CD86: variants seen among roughly 807,000 people sequenced by gnomAD.
The protein encoded by CD86 is T-lymphocyte activation antigen CD86.
Under a neutral mutation model 32.1 loss-of-function variants are expected in CD86, and 11 were observed. The ratio of observed to expected loss-of-function variants is 0.34; its 90% CI spans 0.22 to 0.57. CD86 has a LOEUF of 0.57. Among genes scored for constraint, CD86 ranks in the 20% least tolerant of loss-of-function variants. The probability of loss-of-function intolerance (pLI) is 0.86; values close to 1 mark genes in which losing one functional copy is unlikely to be tolerated. For missense variants in CD86, 359 were observed against 398.4 expected (o/e 0.90, Z 0.84); for synonymous variants, 137 against 135.3 (o/e 1.01, Z -0.09).
At chr3:122,086,913 A>G (rs554976962) in intron 1 of CD86, among the ~76,000 whole-genome samples, 28 of 2,896 alleles carry the variant, frequency 9.7e-3, no homozygotes, top group Non-Finnish European at 0.012. Context: ...AACGTGCTAC[A>G]CCAGTGTGTG....
chr3:122,091,857 T>C, intron 2 of CD86: 2 of 555,160 alleles, frequency 3.6e-6, no homozygotes, highest in South Asian at 2.3e-5. Flanking sequence ...GATGGAGCTC[T>C]CCCCCCCGTG....
chr3:122,075,580 G>T (rs2072544459), intron 1 of CD86, among the ~76,000 whole-genome samples: 1 of 152,154 alleles, frequency 6.6e-6, no homozygotes, highest in African/African-American at 2.4e-5. Context: ...GCACAGGCTA[G>T]ACACGCATCT....
chr3:122,103,863 T>C lies in CD86; in HGVS notation c.400+16T>C. The C allele has an allele frequency of 2.5e-6, 4 of 1,591,718 alleles. No homozygotes were observed. The highest frequency in any genetic ancestry group is 3.4e-6 in the Non-Finnish European group (4 of 1,162,590). ...TCAGTGCTTGGTATGTGGTCAATGG[T>C]GTGTGTTCAGATTCTTAGCCTTCTC... On this transcript the variant is annotated intron_variant, in intron 3 of 6. Transcript: ENST00000330540.
intron 2 of CD86, among the ~76,000 whole-genome samples, chr3:122,095,071 G>A (rs1305160970): frequency 6.6e-6 from 1 of 152,046 alleles, no homozygotes; most frequent in African/African-American, 2.4e-5. Flanking sequence ...TTTTGTCTGA[G>A]GGTTCTCTGG....
chr3:122,069,066 T>C lies in CD86; in HGVS notation c.14+13563T>C, dbSNP rs537097241. On this transcript the variant is annotated intron_variant, in intron 1 of 6. Coordinates refer to ENST00000330540, the MANE Select transcript of CD86 (RefSeq NM_175862.5). Reference sequence around the variant, plus strand: ...ATGCTCTTAAGATGGTGTTTAATCATGAGGATATCATACATAACTGAAATT... The same window carrying C: ...ATGCTCTTAAGATGGTGTTTAATCACGAGGATATCATACATAACTGAAATT... Among the ~76,000 whole-genome samples the C allele has an allele frequency of 6.6e-5, 10 of 152,312 alleles. No homozygotes were observed. The South Asian group carries it at 1.9e-3, about 28-fold the overall frequency.
At chr3:122,074,209 C>A (rs2072526958) in intron 1 of CD86, among the ~76,000 whole-genome samples, 1 of 152,210 alleles carries the variant, frequency 6.6e-6, no homozygotes, top group Non-Finnish European at 1.5e-5. Flanking sequence ...GAGGTTGCTA[C>A]CCCCTCGGGA....
chr3:122,114,369 T>C (rs1158598276), intron 5 of CD86, among the ~76,000 whole-genome samples: 1 of 152,154 alleles, frequency 6.6e-6, no homozygotes, highest in African/African-American at 2.4e-5. Context: ...CCTCTTTCCA[T>C]AAACAACTAG....
intron 6 of CD86, 44 bp from the exon 7 acceptor site, chr3:122,119,394 C>A: frequency 8.5e-7 from 1 of 1,174,434 alleles, no homozygotes; most frequent in South Asian, 1.2e-5. Context: ...AAGAAAGTAG[C>A]TCAAATGTGA....
At chr3:122,116,307 C>A (rs1271162275) in intron 5 of CD86, among the ~76,000 whole-genome samples, 1 of 152,066 alleles carries the variant, frequency 6.6e-6, no homozygotes, top group South Asian at 2.1e-4. Context: ...AGAAGACAAT[C>A]CATTTAATAA....
intron 2 of CD86, among the ~76,000 whole-genome samples, chr3:122,099,832 A>G (rs888170053): frequency 1.3e-5 from 2 of 152,204 alleles, no homozygotes; most frequent in Non-Finnish European, 2.9e-5. Flanking sequence ...GGTGGCTATC[A>G]TATTGTTCAG....
At chr3:122,093,990 G>T (rs901051457) in intron 2 of CD86, among the ~76,000 whole-genome samples, 8 of 152,170 alleles carry the variant, frequency 5.3e-5, no homozygotes, top group African/African-American at 1.9e-4. Flanking sequence ...CTTCCATGGG[G>T]CCTGAACAGC....
At chr3:122,092,963 C>G (rs1202935886) in intron 2 of CD86, among the ~76,000 whole-genome samples, 1 of 152,120 alleles carries the variant, frequency 6.6e-6, no homozygotes, top group Non-Finnish European at 1.5e-5. Context: ...TCCTTGAGTG[C>G]AAGGTCTGTA....
chr3:122,072,710 G>A (rs1186297788), intron 1 of CD86, among the ~76,000 whole-genome samples: 1 of 152,116 alleles, frequency 6.6e-6, no homozygotes, highest in South Asian at 2.1e-4. Context: ...ATTTTCTTTT[G>A]CTGTGCAGAA....
chr3:122,064,064 C>T (rs2072378768), intron 1 of CD86, among the ~76,000 whole-genome samples: 1 of 151,938 alleles, frequency 6.6e-6, no homozygotes. Flanking sequence ...ATCAGCCAAA[C>T]AAGAGAGAAA....
intron 1 of CD86, among the ~76,000 whole-genome samples, chr3:122,079,835 G>C (rs1401463268): frequency 1.3e-5 from 2 of 152,082 alleles, no homozygotes; most frequent in Non-Finnish European, 2.9e-5. Context: ...GTTCCCTATC[G>C]GTCCTCCTTT....
At chr3:122,082,590 A>AT (rs935045059) in intron 1 of CD86, among the ~76,000 whole-genome samples, 122 of 152,326 alleles carry the variant, frequency 8.0e-4, no homozygotes, top group African/African-American at 2.9e-3. Context: ...ATTGGATGAA[A>AT]TTTACTTAGC....
intron 1 of CD86, among the ~76,000 whole-genome samples, chr3:122,078,479 C>T (rs2072585559): frequency 6.6e-6 from 1 of 152,148 alleles, no homozygotes. Context: ...CTTGCAGCCT[C>T]TCTGCAATGG....
chr3:122,066,230 T>C (rs1467923787), intron 1 of CD86, among the ~76,000 whole-genome samples: 1 of 152,210 alleles, frequency 6.6e-6, no homozygotes, highest in African/African-American at 2.4e-5. Flanking sequence ...ATTACCTTCT[T>C]TGAGCCTCAG....
At chr3:122,071,902 CCA>C (rs1246228669) in intron 1 of CD86, among the ~76,000 whole-genome samples, 1 of 125,372 alleles carries the variant, frequency 8.0e-6, no homozygotes. Flanking sequence ...ACAACAGTCC[CCA>C]GAGTGTGATG....
Sources: gnomAD v4.1 joint callset for allele counts (sites outside exome capture counted in the v4.1 genomes callset) on GRCh38, gnomAD v4.1.1 for gene constraint, MANE v1.5 for transcripts, NCBI Gene and HGNC (gene_info 2026-07-23, HGNC 2026-07-21) for gene names.